Variants in GALNTL6 observed in about 807,000 individuals in gnomAD.
The protein encoded by GALNTL6 is polypeptide N-acetylgalactosaminyltransferase like 6, also known as polypeptide N-acetylgalactosaminyltransferase-like 6.
GALNTL6 carries 46 observed loss-of-function variants against 73.7 expected under a neutral mutation model. That is an observed-to-expected ratio of 0.62 (90% confidence interval 0.49 to 0.80). The LOEUF is 0.80. GALNTL6 is among the 30% of genes least tolerant of loss of function. The pLI, the probability that GALNTL6 is intolerant of heterozygous loss-of-function variation, is 0.00. For synonymous variants in GALNTL6, 259 were observed against 263.7 expected (o/e 0.98, Z 0.17); for missense variants, 604 against 755.0 (o/e 0.80, Z 2.34).
chr4:172,191,419 C>T (rs937321734), intron 2 of GALNTL6, among the ~76,000 whole-genome samples: 2 of 152,168 alleles, frequency 1.3e-5, no homozygotes, highest in Admixed American at 6.6e-5. Flanking sequence ...CCATAGGGAT[C>T]TATGTAGAAC....
At chr4:172,909,299 G>C (rs1302894870) in intron 8 of GALNTL6, among the ~76,000 whole-genome samples, 1 of 149,112 alleles carries the variant, frequency 6.7e-6, no homozygotes, top group South Asian at 2.1e-4. Flanking sequence ...AGTCTCCTAA[G>C]TGTGTTTTAA....
intron 5 of GALNTL6, among the ~76,000 whole-genome samples, chr4:172,379,653 A>AAAAAT (rs76730414): frequency 0.028 from 4,265 of 150,808 alleles, 90 homozygotes; most frequent in Non-Finnish European, 0.044. Flanking sequence ...CCCCCCTGAA[A>AAAAAT]AAAATAAAAT....
chr4:172,372,099 G>A (rs945149631), intron 5 of GALNTL6, among the ~76,000 whole-genome samples: 1 of 152,172 alleles, frequency 6.6e-6, no homozygotes, highest in African/African-American at 2.4e-5. Context: ...TTTCAAGTAT[G>A]GTTACATCAC....
intron 2 of GALNTL6, among the ~76,000 whole-genome samples, chr4:171,909,649 C>A (rs538042373): frequency 3.3e-5 from 5 of 152,150 alleles, no homozygotes; most frequent in African/African-American, 1.2e-4. Context: ...ATATTTGACT[C>A]GAAAGTTTGC....
chr4:172,574,534 A>G (rs775697913), intron 5 of GALNTL6, among the ~76,000 whole-genome samples: 80 of 151,814 alleles, frequency 5.3e-4, no homozygotes, highest in Non-Finnish European at 9.6e-4. Context: ...AAAATTTACC[A>G]CAGACAAAAA....
At position 171,967,720 on chromosome 4, in the gene GALNTL6, C is replaced by T. The variant is rs192963096; in HGVS notation, c.138+153002C>T. On this transcript the variant is annotated intron_variant, in intron 2 of 12. Coordinates refer to ENST00000506823, the MANE Select transcript of GALNTL6 (RefSeq NM_001034845.3). Reference sequence around the variant, plus strand: ...TTCTCTTCTAAATTTATACTCATTTCGTGACATTTAGGTTACAACCTATTT... The same window carrying T: ...TTCTCTTCTAAATTTATACTCATTTTGTGACATTTAGGTTACAACCTATTT... Among the ~76,000 whole-genome samples the T allele has an allele frequency of 3.9e-5, 6 of 152,174 alleles. No homozygotes were observed. In the East Asian group the frequency reaches 7.7e-4, roughly 20 times the overall value.
chr4:172,842,059 A>G (rs1743242999), intron 7 of GALNTL6, among the ~76,000 whole-genome samples: 1 of 152,194 alleles, frequency 6.6e-6, no homozygotes, highest in Non-Finnish European at 1.5e-5. Flanking sequence ...CACCAATAAG[A>G]AAACAGGCTC....
At chr4:172,360,203 A>G (rs574078167) in intron 5 of GALNTL6, among the ~76,000 whole-genome samples, 2 of 152,316 alleles carry the variant, frequency 1.3e-5, no homozygotes, top group Admixed American at 1.3e-4. Flanking sequence ...CTACATTTAA[A>G]TATCTGCAGC....
Position 172,999,287 on chromosome 4 carries a change from A to G in GALNTL6, c.1372-9891A>G, listed in dbSNP as rs553912356. Among the ~76,000 whole-genome samples the G allele has an allele frequency of 2.0e-5, 3 of 152,110 alleles. No individual in the cohort carries two copies. The South Asian group carries it at 6.2e-4, about 32-fold the overall frequency. Reference sequence around the variant, plus strand: ...ACTCCTGCGAGGGCTGCTCTCTTCCACCCCACCCCACATGCCCATTTACTG... The same window carrying G: ...ACTCCTGCGAGGGCTGCTCTCTTCCGCCCCACCCCACATGCCCATTTACTG... On this transcript the variant is annotated intron_variant, in intron 10 of 12. Coordinates refer to ENST00000506823, the MANE Select transcript of GALNTL6 (RefSeq NM_001034845.3).
At chr4:171,928,319 G>A (rs1401657923) in intron 2 of GALNTL6, among the ~76,000 whole-genome samples, 1 of 152,162 alleles carries the variant, frequency 6.6e-6, no homozygotes, top group African/African-American at 2.4e-5. Flanking sequence ...AGGTCAGGGA[G>A]TTTAAAATTT....
chr4:172,813,866 C>G, intron 7 of GALNTL6, 143 bp downstream of exon 7: 1 of 551,824 alleles, frequency 1.8e-6, no homozygotes, highest in South Asian at 4.0e-5. Flanking sequence ...ACAGAAAGGT[C>G]AGACCTACAC....
At chr4:172,769,047 A>G (rs970725666) in intron 5 of GALNTL6, among the ~76,000 whole-genome samples, 1 of 152,090 alleles carries the variant, frequency 6.6e-6, no homozygotes, top group African/African-American at 2.4e-5. Context: ...GAATATATTT[A>G]AAGTAGGATT....
intron 5 of GALNTL6, among the ~76,000 whole-genome samples, chr4:172,498,329 G>A (rs1734142240): frequency 6.6e-6 from 1 of 152,074 alleles, no homozygotes. Flanking sequence ...ATCTATATTA[G>A]TTAGAGTAAA....
rs908787941 is a variant in GALNTL6 at position 172,046,932 on chromosome 4, A to C, written c.139-182724A>C. ...CAACCCCGACCATCTACTTTGTGTT[A>C]TGTATTTACTTTGTCAAACATGACA... On this transcript the variant is annotated intron_variant, in intron 2 of 12. Coordinates refer to ENST00000506823, the MANE Select transcript of GALNTL6 (RefSeq NM_001034845.3). Among the ~76,000 whole-genome samples the C allele has an allele frequency of 3.3e-5, 5 of 152,014 alleles. 1 individual carries two copies. Among genetic ancestry groups the C allele is most frequent in the African/African-American group, 1.2e-4 (5 of 41,386 alleles).
chr4:172,036,632 G>C (rs931175863), intron 2 of GALNTL6, among the ~76,000 whole-genome samples: 9 of 152,034 alleles, frequency 5.9e-5, no homozygotes, highest in Admixed American at 4.6e-4. Flanking sequence ...TTGTAGATGA[G>C]ACAGATTAAA....
At chr4:172,233,998 A>G (rs1737160279) in intron 3 of GALNTL6, among the ~76,000 whole-genome samples, 1 of 151,952 alleles carries the variant, frequency 6.6e-6, no homozygotes, top group East Asian at 1.9e-4. Flanking sequence ...TTAGTAAACT[A>G]ATATTATATT....
chr4:172,812,133 T>G (rs1490579520), intron 6 of GALNTL6, among the ~76,000 whole-genome samples: 1 of 152,112 alleles, frequency 6.6e-6, no homozygotes. Context: ...TTCACAAAAT[T>G]CTGTGGTTTC....
rs368830031 is a variant in GALNTL6 at position 172,315,177 on chromosome 4, T to A, written c.386+3425T>A. Among the ~76,000 whole-genome samples the A allele has an allele frequency of 2.0e-5, 3 of 152,332 alleles. No individual in the cohort carries two copies. The East Asian group carries it at 5.8e-4, about 29-fold the overall frequency. On this transcript the variant is annotated intron_variant, in intron 4 of 12. Transcript: ENST00000506823. ...AACATCTCTCTATCTTACAAATTGT[T>A]TCAGCTTCTTACACTATCTGTGCTT...
At chr4:172,502,785 G>A (rs1021072516) in intron 5 of GALNTL6, among the ~76,000 whole-genome samples, 19 of 152,152 alleles carry the variant, frequency 1.2e-4, no homozygotes, top group African/African-American at 4.3e-4. Flanking sequence ...AGCATCAAAT[G>A]TTACAGACTG....
Sources: allele counts gnomAD v4.1 joint callset (sites outside exome capture counted in the v4.1 genomes callset), GRCh38; gene constraint gnomAD v4.1.1; transcripts MANE v1.5; gene names NCBI Gene and HGNC (gene_info 2026-07-23, HGNC 2026-07-21).